The following RXFP1 variants were observed in gnomAD, a reference collection of about 807,000 sequenced individuals.
RXFP1 encodes relaxin family peptide receptor 1, also known as relaxin receptor 1.
Under a neutral mutation model 89.8 loss-of-function variants are expected in RXFP1, and 73 were observed. The ratio of observed to expected loss-of-function variants is 0.81; its 90% CI spans 0.67 to 0.99. The LOEUF is 0.99. Ranked by LOEUF, RXFP1 falls within the 50% of genes least tolerant of loss-of-function variation. The pLI is 0.00. For synonymous variants in RXFP1, 277 were observed against 305.5 expected (o/e 0.91, Z 0.97); for missense variants, 793 against 895.5 (o/e 0.89, Z 1.46).
chr4:158,523,815 T>C (rs144066275), intron 1 of RXFP1, among the ~76,000 whole-genome samples: 118 of 152,306 alleles, frequency 7.7e-4, no homozygotes, highest in African/African-American at 2.8e-3. Context: ...CCTGGGCACA[T>C]AGCAATGGAA....
intron 3 of RXFP1, among the ~76,000 whole-genome samples, chr4:158,594,463 A>G (rs1307683285): frequency 6.6e-6 from 1 of 150,492 alleles, no homozygotes; most frequent in African/African-American, 2.4e-5. Flanking sequence ...GATCCTAAGC[A>G]CTATGACAAT....
chr4:158,612,473 C>A, intron 8 of RXFP1, 111 bp downstream of exon 8: 1 of 712,962 alleles, frequency 1.4e-6, no homozygotes, highest in Non-Finnish European at 2.3e-6. Context: ...CCAAAGAGGC[C>A]TTTTCAATGA....
intron 4 of RXFP1, among the ~76,000 whole-genome samples, chr4:158,601,880 G>C (rs961785963): frequency 6.6e-6 from 1 of 152,104 alleles, no homozygotes; most frequent in African/African-American, 2.4e-5. Context: ...CTTTTTTCTA[G>C]CTTGATAAAC....
chr4:158,542,113 T>A (rs866739123), intron 1 of RXFP1, among the ~76,000 whole-genome samples: 1,587 of 29,120 alleles, frequency 0.054, 66 homozygotes, highest in African/African-American at 0.12. Flanking sequence ...ATATATATTT[T>A]TTTTTTAGTA....
At chr4:158,549,688 G>A (rs1035162882) in intron 1 of RXFP1, among the ~76,000 whole-genome samples, 12 of 152,226 alleles carry the variant, frequency 7.9e-5, no homozygotes, top group Non-Finnish European at 1.3e-4. Flanking sequence ...CTCAGCTGCA[G>A]GTCTGTTGGA....
At chr4:158,628,099 T>G (rs1385616328) in intron 10 of RXFP1, among the ~76,000 whole-genome samples, 1 of 152,202 alleles carries the variant, frequency 6.6e-6, no homozygotes, top group African/African-American at 2.4e-5. Flanking sequence ...GAGTTGGTCC[T>G]CTAGGCTAGC....
intron 1 of RXFP1, among the ~76,000 whole-genome samples, chr4:158,548,606 G>C (rs915245324): frequency 1.3e-5 from 2 of 152,148 alleles, no homozygotes; most frequent in African/African-American, 4.8e-5. Flanking sequence ...TCCTTTCCTT[G>C]TTTAGTGCTT....
chr4:158,578,870 A>G (rs1756778823), intron 2 of RXFP1, among the ~76,000 whole-genome samples: 1 of 151,834 alleles, frequency 6.6e-6, no homozygotes, highest in Non-Finnish European at 1.5e-5. Context: ...GGAAATGGAA[A>G]ACCTCTTCTA....
chr4:158,581,433 G>A (rs1757337880), intron 2 of RXFP1, among the ~76,000 whole-genome samples: 1 of 152,192 alleles, frequency 6.6e-6, no homozygotes, highest in Admixed American at 6.5e-5. Context: ...TAATCATTGT[G>A]TAGTAGGGCC....
chr4:158,623,218 G>T lies in RXFP1; in HGVS notation c.756-3602G>T, dbSNP rs114018686. 2.4e-3 allele frequency among the ~76,000 whole-genome samples: 361 copies of T among 151,928 alleles called. 1 individual carries two copies. Among genetic ancestry groups the T allele is most frequent in the Middle Eastern group, 6.8e-3 (2 of 294 alleles). ...GCAGTAAGAAATAATCCACCACTGGGTCAGGTGCGGTGGTGCATGCCTGTA... is the reference window on the plus strand; with the variant it reads ...GCAGTAAGAAATAATCCACCACTGGTTCAGGTGCGGTGGTGCATGCCTGTA... On this transcript the variant is annotated intron_variant, in intron 9 of 17. Transcript: ENST00000307765.
intron 2 of RXFP1, among the ~76,000 whole-genome samples, chr4:158,583,031 T>C (rs758345112): frequency 5.9e-5 from 9 of 152,232 alleles, no homozygotes; most frequent in Non-Finnish European, 1.3e-4. Context: ...AAGTGGTTAA[T>C]TCTAGCTGCC....
chr4:158,626,169 T>C (rs1034371899), intron 9 of RXFP1, among the ~76,000 whole-genome samples: 12 of 147,352 alleles, frequency 8.1e-5, no homozygotes, highest in Admixed American at 7.5e-4. Context: ...GATAGATAGA[T>C]AGATAGATGT....
intron 8 of RXFP1, among the ~76,000 whole-genome samples, chr4:158,612,906 C>G (rs1763842299): frequency 1.3e-5 from 2 of 152,144 alleles, no homozygotes; most frequent in African/African-American, 2.4e-5. Flanking sequence ...CCACGCCCAG[C>G]CTTTATCACA....
intron 1 of RXFP1, among the ~76,000 whole-genome samples, chr4:158,532,684 C>T (rs897615141): frequency 1.3e-5 from 2 of 152,182 alleles, no homozygotes; most frequent in African/African-American, 4.8e-5. Flanking sequence ...CTAATCCACA[C>T]ACTTCTCACC....
At chr4:158,635,634 G>A (rs561767078) in intron 12 of RXFP1, among the ~76,000 whole-genome samples, 69 of 152,202 alleles carry the variant, frequency 4.5e-4, no homozygotes, top group South Asian at 1.0e-3. Context: ...TTTTACCATT[G>A]AGTGTGGGTT....
At chr4:158,555,778 A>G (rs748622130) in intron 1 of RXFP1, among the ~76,000 whole-genome samples, 2 of 152,228 alleles carry the variant, frequency 1.3e-5, no homozygotes, top group Non-Finnish European at 2.9e-5. Context: ...TAAATGCTTC[A>G]TTTCAAATAT....
intron 1 of RXFP1, among the ~76,000 whole-genome samples, chr4:158,564,930 A>G (rs1753238571): frequency 6.6e-6 from 1 of 152,084 alleles, no homozygotes; most frequent in South Asian, 2.1e-4. Flanking sequence ...TTGCCTTTCT[A>G]CTTCTGTTCC....
At chr4:158,578,781 T>G (rs966330802) in intron 2 of RXFP1, among the ~76,000 whole-genome samples, 2 of 151,952 alleles carry the variant, frequency 1.3e-5, no homozygotes, top group Non-Finnish European at 2.9e-5. Context: ...TCTTTAGCAC[T>G]TTAGCAGCCT....
intron 1 of RXFP1, among the ~76,000 whole-genome samples, chr4:158,546,200 CT>C: frequency 6.6e-6 from 1 of 152,138 alleles, no homozygotes; most frequent in Middle Eastern, 3.4e-3. Context: ...GTATTTTATT[CT>C]CTTTGAAGCA....
Sources: gnomAD v4.1 joint callset for allele counts (sites outside exome capture counted in the v4.1 genomes callset) on GRCh38, gnomAD v4.1.1 for gene constraint, MANE v1.5 for transcripts, NCBI Gene and HGNC (gene_info 2026-07-23, HGNC 2026-07-21) for gene names.